Variants in HGF observed in about 807,000 individuals in gnomAD.
The protein encoded by HGF is hepatocyte growth factor.
In HGF, 39 loss-of-function variants were observed where a neutral mutation model predicts 111.6. That is an observed-to-expected ratio of 0.35 (90% CI 0.27 to 0.46). HGF has a LOEUF of 0.46. HGF is among the 20% of genes least tolerant of loss of function. The pLI, the probability that HGF is intolerant of heterozygous loss-of-function variation, is 1.00. For missense variants in HGF, 735 were observed against 910.5 expected, an observed-to-expected ratio of 0.81 and a Z score of 2.48; for synonymous variants, 285 against 294.8, an observed-to-expected ratio of 0.97 and a Z score of 0.34.
intron 7 of HGF, among the ~76,000 whole-genome samples, chr7:81,741,336 C>T (rs1787992869): frequency 6.6e-6 from 1 of 152,110 alleles, no homozygotes; most frequent in Non-Finnish European, 1.5e-5. Context: ...TTAACAAAGA[C>T]ATTGGAATTA....
intron 7 of HGF, among the ~76,000 whole-genome samples, chr7:81,731,437 T>TATATTG (rs1419588058): frequency 6.6e-6 from 1 of 152,198 alleles, no homozygotes; most frequent in African/African-American, 2.4e-5. Flanking sequence ...AGAATTCATC[T>TATATTG]ATATTGATAT....
intron 5 of HGF, 97 bp from the exon 6 acceptor site, chr7:81,745,217 ATTTTT>A: frequency 7.6e-7 from 1 of 1,320,360 alleles, no homozygotes; most frequent in African/African-American, 1.4e-5. Flanking sequence ...TAGTAAACAG[ATTTTT>A]AAAAAATCCT....
intron 4 of HGF, 21 bp from the exon 5 acceptor site, chr7:81,752,283 A>G (rs1025805774): frequency 1.2e-6 from 2 of 1,611,206 alleles, no homozygotes; most frequent in African/African-American, 1.3e-5. Context: ...AATGATAATC[A>G]TTACAGTATA....
Position 81,702,544 on chromosome 7 carries a change from G to C in HGF, c.*37C>G, listed in dbSNP as rs1490559658. 1 of 1,513,804 alleles carries C rather than the reference G, an allele frequency of 6.6e-7. No individual in the cohort carries two copies. The highest frequency in any genetic ancestry group is 9.2e-7 in the Non-Finnish European group (1 of 1,089,960). The allele number at this position is 1,513,804 out of a possible 1,614,324, so 93.8% of individuals were successfully genotyped here. On this transcript the variant is annotated 3_prime_UTR_variant, in exon 18 of 18. Transcript: ENST00000222390. ...CTCTGAAATCTTCATGTAAAAGACAGTTGTATTGGTGGGTGCTTCAGACAC... is the reference window on the plus strand; with the variant it reads ...CTCTGAAATCTTCATGTAAAAGACACTTGTATTGGTGGGTGCTTCAGACAC...
intron 9 of HGF, among the ~76,000 whole-genome samples, chr7:81,721,848 G>T (rs182062876): frequency 1.5e-3 from 229 of 152,274 alleles, no homozygotes; most frequent in Non-Finnish European, 2.7e-3. Flanking sequence ...CTTTGAGTCT[G>T]AATAAATATC....
At chr7:81,709,527 T>A (rs1789517427) in intron 13 of HGF, among the ~76,000 whole-genome samples, 1 of 152,286 alleles carries the variant, frequency 6.6e-6, no homozygotes, top group African/African-American at 2.4e-5. Flanking sequence ...TCTCTAACAA[T>A]ATGATTTGCA....
At chr7:81,722,030 C>G (rs1473546455) in intron 9 of HGF, among the ~76,000 whole-genome samples, 1 of 152,048 alleles carries the variant, frequency 6.6e-6, no homozygotes, top group Non-Finnish European at 1.5e-5. Context: ...TTCCCTTACC[C>G]CATTCATTTA....
At chr7:81,723,571 T>C (rs1013645691) in intron 9 of HGF, among the ~76,000 whole-genome samples, 1 of 151,188 alleles carries the variant, frequency 6.6e-6, no homozygotes, top group Non-Finnish European at 1.5e-5. Context: ...GTATACAATA[T>C]ATAGTATATA....
Position 81,754,190 on chromosome 7 carries a change from T to G in HGF, c.483-1928A>C, listed in dbSNP as rs1001174325. Among the ~76,000 whole-genome samples, 5 of 151,986 alleles carry G rather than the reference T, an allele frequency of 3.3e-5. No individual in the cohort carries two copies. The East Asian group carries it at 7.7e-4, about 23-fold the overall frequency. On this transcript the variant is annotated intron_variant, in intron 4 of 17. Transcript: ENST00000222390. ...TATACAACCTTAGTCCTTAGACAAT[T>G]TATTTACTCCCTGGGTTTTAATCTC...
Position 81,707,380 on chromosome 7 carries a change from AAG to A in HGF, c.1542-18_1542-17del, listed in dbSNP as rs1212831387. The A allele has an allele frequency of 6.9e-7, 1 of 1,455,810 alleles. No homozygotes were observed. Among genetic ancestry groups the A allele is most frequent in the African/African-American group, 1.4e-5 (1 of 71,742 alleles). 90.2% of individuals were successfully genotyped at this position (1,455,810 alleles called of 1,614,324 possible). On this transcript the variant is annotated splice_polypyrimidine_tract_variant and intron_variant, in intron 13 of 17. Transcript: ENST00000222390. ...ATGTTTATTTCTGTGAAAAAGAGGA[AAG>A]AGAAACAAGTAACATCTGTGCAGAA...
intron 7 of HGF, among the ~76,000 whole-genome samples, chr7:81,730,735 A>G (rs1456767184): frequency 6.6e-6 from 1 of 152,206 alleles, no homozygotes; most frequent in Non-Finnish European, 1.5e-5. Context: ...ATTCCAGAGC[A>G]ACTAAAATTC....
intron 7 of HGF, among the ~76,000 whole-genome samples, chr7:81,733,433 T>C (rs1787729045): frequency 6.6e-6 from 1 of 151,992 alleles, no homozygotes; most frequent in Admixed American, 6.6e-5. Context: ...AAAATGTGTA[T>C]AACTCTAACA....
intron 9 of HGF, among the ~76,000 whole-genome samples, chr7:81,723,057 A>C (rs1789914207): frequency 6.6e-6 from 1 of 152,070 alleles, no homozygotes; most frequent in Admixed American, 6.6e-5. Context: ...GGGAAAAATA[A>C]CTAATGGGTA....
At chr7:81,719,357 C>T (rs1789794667) in intron 10 of HGF, among the ~76,000 whole-genome samples, 2 of 152,100 alleles carry the variant, frequency 1.3e-5, no homozygotes, top group African/African-American at 4.8e-5. Context: ...GCTTGCATCC[C>T]ACACTAGAGT....
At chr7:81,720,521 T>C (rs1033352320) in intron 10 of HGF, among the ~76,000 whole-genome samples, 2 of 152,186 alleles carry the variant, frequency 1.3e-5, no homozygotes, top group African/African-American at 4.8e-5. Flanking sequence ...ACAGAACACA[T>C]AGTAAATGCT....
At chr7:81,733,217 A>T (rs1338741585) in intron 7 of HGF, among the ~76,000 whole-genome samples, 2 of 151,988 alleles carry the variant, frequency 1.3e-5, no homozygotes, top group African/African-American at 2.4e-5. Flanking sequence ...AATTTAAACT[A>T]TTTAATATAT....
chr7:81,703,389 T>C (rs1789338902), intron 17 of HGF, among the ~76,000 whole-genome samples: 2 of 151,022 alleles, frequency 1.3e-5, no homozygotes, highest in African/African-American at 4.8e-5. Context: ...GTAGTTAATA[T>C]AGTTATAGTT....
At chr7:81,722,810 T>A (rs1789900366) in intron 9 of HGF, among the ~76,000 whole-genome samples, 1 of 65,738 alleles carries the variant, frequency 1.5e-5, no homozygotes, top group African/African-American at 9.2e-5. Flanking sequence ...CGAGATTCTG[T>A]CTCAAAAAAA....
intron 5 of HGF, among the ~76,000 whole-genome samples, chr7:81,746,915 C>G (rs1419508734): frequency 6.6e-6 from 1 of 152,136 alleles, no homozygotes; most frequent in Non-Finnish European, 1.5e-5. Flanking sequence ...TCCTTGAGAT[C>G]CTGTTAAGAG....
Sources: allele counts gnomAD v4.1 joint callset (sites outside exome capture counted in the v4.1 genomes callset), GRCh38; gene constraint gnomAD v4.1.1; transcripts MANE v1.5; gene names NCBI Gene and HGNC (gene_info 2026-07-23, HGNC 2026-07-21).